Variants in FREM2 observed in about 807,000 individuals in gnomAD.
FREM2 encodes the protein FRAS1 related extracellular matrix 2.
Under a neutral mutation model 219.9 loss-of-function variants are expected in FREM2, and 119 were observed. That is an observed-to-expected ratio of 0.54 (90% CI 0.47 to 0.63). FREM2 has a LOEUF of 0.63. Ranked by LOEUF, FREM2 falls within the 30% of genes least tolerant of loss-of-function variation. The pLI, the probability that FREM2 is intolerant of heterozygous loss-of-function variation, is 0.00. For missense variants in FREM2, 4,030 were observed against 3,993.6 expected, an observed-to-expected ratio of 1.01 and a Z score of -0.25; for synonymous variants, 1,562 against 1,522.8, an observed-to-expected ratio of 1.03 and a Z score of -0.60.
chr13:38,736,868 T>A (rs200161201), intron 2 of FREM2, among the ~76,000 whole-genome samples: 676 of 11,020 alleles, frequency 0.061, 14 homozygotes, highest in African/African-American at 0.18. Context: ...AAACCGTTTG[T>A]TTTTTTTTTC....
chr13:38,831,631 A>T (rs1458378758), intron 6 of FREM2, among the ~76,000 whole-genome samples: 6 of 128,132 alleles, frequency 4.7e-5, no homozygotes. Flanking sequence ...TTTTTTTGAG[A>T]TGGAGTCTTG....
At chr13:38,704,023 A>G (rs1476767920) in intron 2 of FREM2, among the ~76,000 whole-genome samples, 1 of 151,896 alleles carries the variant, frequency 6.6e-6, no homozygotes, top group Non-Finnish European at 1.5e-5. Context: ...TGGCTGGGAG[A>G]AGTGGGAAGT....
intron 2 of FREM2, among the ~76,000 whole-genome samples, chr13:38,723,248 A>T (rs1041078682): frequency 6.6e-6 from 1 of 151,948 alleles, no homozygotes; most frequent in Non-Finnish European, 1.5e-5. Flanking sequence ...AAATAAAAAT[A>T]AAAAATAAAA....
chr13:38,691,219 T>C lies in FREM2; in HGVS notation c.3875T>C (p.Val1292Ala), dbSNP rs754776295. Residue 1292 changes from valine (V) to alanine (A), a missense_variant, in exon 1 of 24, where the codon GTC becomes GCC. Transcript: ENST00000280481. ...GGGAAGCACTCTGTGGAAAAGACGG[T>C]CCTCATTATAGTTATCCCTGTTGAT... ...TDGKHSVEKT[V>A]LIIVIPVDDE... 1 of 1,613,890 alleles carries C rather than the reference T, an allele frequency of 6.2e-7. No individual in the cohort carries two copies. Among genetic ancestry groups the C allele is most frequent in the African/African-American group, 1.3e-5 (1 of 74,878 alleles).
chr13:38,799,046 G>A, intron 6 of FREM2, among the ~76,000 whole-genome samples: 1 of 151,566 alleles, frequency 6.6e-6, no homozygotes, highest in Non-Finnish European at 1.5e-5. Context: ...CTTGCTTTTT[G>A]GTTCCCTGAG....
At position 38,882,769 on chromosome 13, in the gene FREM2, G is replaced by C. The variant is rs191022870; in HGVS notation, c.*1982G>C. ...TGTATGGGAATGAACATGAATTAGG[G>C]AACTTCAAATAGTGCGTAGACTTTT... On this transcript the variant is annotated 3_prime_UTR_variant, in exon 24 of 24. Coordinates refer to ENST00000280481, the MANE Select transcript of FREM2 (RefSeq NM_207361.6). 3 of 152,230 alleles carry C rather than the reference G, an allele frequency of 2.0e-5. No homozygotes were observed. The highest frequency in any genetic ancestry group is 7.2e-5 in the African/African-American group (3 of 41,542). The allele number at this position is 152,230 out of a possible 1,614,324, so 9.4% of individuals were successfully genotyped here. A position where few individuals can be genotyped will look rare whatever the true frequency, so the allele number is the denominator to read the frequency against.
chr13:38,801,998 C>T (rs920098508), intron 6 of FREM2, among the ~76,000 whole-genome samples: 9 of 152,072 alleles, frequency 5.9e-5, no homozygotes, highest in African/African-American at 2.2e-4. Context: ...TTGGTTTGCC[C>T]CAACCTCAGA....
chr13:38,874,361 A>T (rs1878270072), intron 17 of FREM2, 121 bp from the exon 18 acceptor site: 3 of 774,432 alleles, frequency 3.9e-6, no homozygotes, highest in Admixed American at 3.9e-5. Context: ...TTCTTCTGAT[A>T]ATACCCTTTG....
intron 2 of FREM2, among the ~76,000 whole-genome samples, chr13:38,729,959 C>G (rs1007408873): frequency 5.7e-4 from 86 of 152,166 alleles, no homozygotes; most frequent in Non-Finnish European, 8.8e-5. Flanking sequence ...AAGCTACACT[C>G]TATGAAGTAG....
chr13:38,871,683 T>C (rs1878163944), intron 16 of FREM2, among the ~76,000 whole-genome samples: 1 of 152,186 alleles, frequency 6.6e-6, no homozygotes, highest in Non-Finnish European at 1.5e-5. Flanking sequence ...CTTTGTCTCT[T>C]TCTATCCGTC....
intron 12 of FREM2, 121 bp from the exon 13 acceptor site, chr13:38,857,754 T>C (rs1328557227): frequency 1.2e-6 from 1 of 839,494 alleles, no homozygotes; most frequent in Non-Finnish European, 2.0e-6. Context: ...GCTCTGAGTA[T>C]GACAATTTGC....
Position 38,687,684 on chromosome 13 carries a change from G to A in FREM2, c.340G>A (p.Ala114Thr). 6.3e-7 allele frequency: 1 copy of A among 1,583,660 alleles called. No homozygotes were observed. Among genetic ancestry groups the A allele is most frequent in the Non-Finnish European group, 8.6e-7 (1 of 1,163,136 alleles). ...RCAVSVLDND[A>T]LAQRPGRLSP... ...CGCGGTTTCGGTACTAGACAACGAC[G>A]CACTGGCCCAGCGACCGGGCCGCCT... is the stretch of plus-strand genomic sequence containing the variant. Residue 114 changes from alanine (A) to threonine (T), a missense_variant, in exon 1 of 24, where the codon GCA (alanine) becomes ACA (threonine). Ala to Thr is a moderately conservative substitution (Grantham distance 58, BLOSUM62 0). Coordinates refer to ENST00000280481, the MANE Select transcript of FREM2 (RefSeq NM_207361.6).
chr13:38,859,373 G>T lies in FREM2; in HGVS notation c.7302G>T (p.Arg2434=), dbSNP rs1476803729. The change falls in exon 14 of 24, where the codon CGG becomes CGT. Residue 2434 remains arginine, a synonymous_variant. Coordinates refer to ENST00000280481, the MANE Select transcript of FREM2 (RefSeq NM_207361.6). ...TCAATGACACTTTGACGCGGTACCGGTGGCTGATTAGTGCACCTGCGGGCC... is the reference window on the plus strand; with the variant it reads ...TCAATGACACTTTGACGCGGTACCGTTGGCTGATTAGTGCACCTGCGGGCC... The part of the protein sequence containing the change: ...ENINDTLTRY[R]WLISAPAGPD... The T allele has an allele frequency of 3.1e-6, 5 of 1,614,070 alleles. No homozygotes were observed. Among genetic ancestry groups the T allele is most frequent in the Non-Finnish European group, 4.2e-6 (5 of 1,180,040 alleles).
chr13:38,761,057 T>C (rs1873207116), intron 2 of FREM2, among the ~76,000 whole-genome samples: 1 of 152,134 alleles, frequency 6.6e-6, no homozygotes, highest in South Asian at 2.1e-4. Context: ...GAATCAAATC[T>C]TAAAATTAGC....
chr13:38,852,296 C>T (rs532586989), intron 11 of FREM2, among the ~76,000 whole-genome samples: 8 of 152,234 alleles, frequency 5.3e-5, no homozygotes, highest in South Asian at 4.2e-4. Context: ...AAATTCCTCT[C>T]GTTTAGTAAA....
At chr13:38,765,129 C>T (rs987251388) in intron 3 of FREM2, among the ~76,000 whole-genome samples, 3 of 152,194 alleles carry the variant, frequency 2.0e-5, no homozygotes, top group African/African-American at 7.2e-5. Context: ...CCAGGATAGT[C>T]TCGATCTCCT....
At chr13:38,863,592 A>C (rs1356502647) in intron 15 of FREM2, among the ~76,000 whole-genome samples, 2 of 152,340 alleles carry the variant, frequency 1.3e-5, no homozygotes, top group East Asian at 3.9e-4. Context: ...ATATTCTTGA[A>C]GATATCATTA....
intron 2 of FREM2, among the ~76,000 whole-genome samples, chr13:38,728,149 C>A (rs184813799): frequency 6.6e-6 from 1 of 152,058 alleles, no homozygotes; most frequent in Admixed American, 6.5e-5. Flanking sequence ...GTTCAGCACC[C>A]AACACCAATA....
intron 23 of FREM2, 125 bp downstream of exon 23, chr13:38,879,102 A>C: frequency 1.1e-6 from 1 of 933,816 alleles, no homozygotes; most frequent in Non-Finnish European, 1.7e-6. Flanking sequence ...AGTTAATGGG[A>C]ACATTGAATA....
Sources: allele counts gnomAD v4.1 joint callset (sites outside exome capture counted in the v4.1 genomes callset), GRCh38; gene constraint gnomAD v4.1.1; transcripts MANE v1.5; gene names NCBI Gene and HGNC (gene_info 2026-07-23, HGNC 2026-07-21).